FOCAD: variants seen among roughly 807,000 people sequenced by gnomAD.
FOCAD encodes focadhesin, also known as KIAA1797.
Under a neutral mutation model 225.6 loss-of-function variants are expected in FOCAD, and 198 were observed. The observed-to-expected ratio is 0.88, with a 90% CI of 0.78 to 0.99. FOCAD has a LOEUF of 0.99. FOCAD is among the 50% of genes least tolerant of loss of function. The pLI is 0.00. For synonymous variants in FOCAD, 897 were observed against 755.0 expected (o/e 1.19, Z -3.08); for missense variants, 2,713 against 2,123.6 (o/e 1.28, Z -5.46).
intron 41 of FOCAD, 27 bp downstream of exon 41, chr9:20,988,456 C>A: frequency 1.5e-6 from 2 of 1,336,346 alleles, no homozygotes; most frequent in Non-Finnish European, 2.1e-6. Context: ...TAGTTTATAG[C>A]TTCCTTAAAA....
In FOCAD at chr9:20,768,466, A is replaced by G. The variant is rs1442265661; in HGVS notation, c.700-1566A>G. ...GATTCTTCCTACCCATGAGCATGGA[A>G]TGTTCTTCCATTTGTTTGTATCCTC... On this transcript the variant is annotated intron_variant, in intron 7 of 43. Transcript: ENST00000338382. 2.6e-5 allele frequency among the ~76,000 whole-genome samples: 4 copies of G among 151,810 alleles called. No individual in the cohort carries two copies. The South Asian group carries it at 8.3e-4, about 32-fold the overall frequency.
At chr9:20,773,638 C>T (rs1042357432) in intron 8 of FOCAD, among the ~76,000 whole-genome samples, 2 of 152,184 alleles carry the variant, frequency 1.3e-5, no homozygotes, top group South Asian at 4.1e-4. Context: ...TACTTCCTTA[C>T]ATTTCTTTAT....
At chr9:20,879,074 A>G (rs1201065161) in intron 19 of FOCAD, among the ~76,000 whole-genome samples, 1 of 152,146 alleles carries the variant, frequency 6.6e-6, no homozygotes, top group Non-Finnish European at 1.5e-5. Flanking sequence ...CTCCTCTGGA[A>G]ATACCCTCAC....
chr9:20,895,558 C>CAT (rs946763790), intron 21 of FOCAD, among the ~76,000 whole-genome samples: 4 of 151,364 alleles, frequency 2.6e-5, no homozygotes, highest in African/African-American at 9.7e-5. Context: ...TATGTCTGCG[C>CAT]ATATATATGT....
intron 19 of FOCAD, among the ~76,000 whole-genome samples, chr9:20,881,631 T>C (rs1451995698): frequency 2.0e-5 from 3 of 152,168 alleles, no homozygotes; most frequent in Admixed American, 6.6e-5. Context: ...TCAGAAGGAC[T>C]TGCTAATGGA....
chr9:20,915,915 A>G (rs76937843), intron 23 of FOCAD, among the ~76,000 whole-genome samples: 1,553 of 152,288 alleles, frequency 0.01, 10 homozygotes, highest in Non-Finnish European at 0.018. Flanking sequence ...TGAATGGACT[A>G]TATTCCATTT....
intron 4 of FOCAD, among the ~76,000 whole-genome samples, chr9:20,722,737 A>G: frequency 6.6e-6 from 1 of 152,240 alleles, no homozygotes; most frequent in East Asian, 1.9e-4. Context: ...TGAAAAGTTA[A>G]GATTTTTATG....
intron 27 of FOCAD, among the ~76,000 whole-genome samples, chr9:20,931,146 G>A (rs559332423): frequency 1.3e-5 from 2 of 152,232 alleles, no homozygotes; most frequent in East Asian, 3.9e-4. Context: ...TAATCATGCT[G>A]CCTGGAGAAA....
intron 39 of FOCAD, among the ~76,000 whole-genome samples, chr9:20,985,531 G>A (rs776645889): frequency 6.6e-6 from 1 of 152,234 alleles, no homozygotes; most frequent in Admixed American, 6.5e-5. Flanking sequence ...CAAATACCCA[G>A]GTTGAATAAC....
intron 11 of FOCAD, among the ~76,000 whole-genome samples, chr9:20,797,130 T>C (rs151211995): frequency 6.6e-6 from 1 of 152,336 alleles, no homozygotes; most frequent in Non-Finnish European, 1.5e-5. Context: ...TAGTTGTAGA[T>C]GTGTGGCATT....
At chr9:20,989,183 G>C (rs987448284) in intron 41 of FOCAD, among the ~76,000 whole-genome samples, 3 of 152,132 alleles carry the variant, frequency 2.0e-5, no homozygotes, top group Admixed American at 1.3e-4. Context: ...GCATAACCTG[G>C]GATGTTTTTT....
intron 28 of FOCAD, among the ~76,000 whole-genome samples, chr9:20,940,109 G>A: frequency 6.6e-6 from 1 of 152,008 alleles, no homozygotes; most frequent in East Asian, 1.9e-4. Flanking sequence ...GGTAGGCCTG[G>A]ACTTCCTGTC....
chr9:20,778,917 T>A (rs1819072629), intron 9 of FOCAD, 149 bp downstream of exon 9: 9 of 507,770 alleles, frequency 1.8e-5, no homozygotes, highest in Non-Finnish European at 3.1e-5. Context: ...TTTTCTTGTC[T>A]AATAAGTTGT....
At chr9:20,807,804 C>A (rs1312914293) in intron 11 of FOCAD, among the ~76,000 whole-genome samples, 1 of 152,124 alleles carries the variant, frequency 6.6e-6, no homozygotes, top group Non-Finnish European at 1.5e-5. Flanking sequence ...AATCCCAGCA[C>A]TTTGGGAGGT....
chr9:20,929,372 T>G lies in FOCAD; in HGVS notation c.3093T>G (p.Gly1031=). 1.2e-6 allele frequency: 2 copies of G among 1,614,132 alleles called. No individual in the cohort carries two copies. Among genetic ancestry groups the G allele is most frequent in the Non-Finnish European group, 1.7e-6 (2 of 1,179,990 alleles). ...GCATGTCCTAGAAGTCCTATTCTGG[T>G]GAAAACACAGCTAGTGCCATTGCCC... is the stretch of plus-strand genomic sequence containing the variant. ...LSWFYYKSYS[G]ENTASAIARS... is the part of the protein sequence containing the mutation. The change falls in exon 27 of 44, where the codon GGT becomes GGG. Residue 1031 remains glycine, a synonymous_variant. Transcript: ENST00000338382.
At chr9:20,746,338 T>C (rs947873319) in intron 5 of FOCAD, among the ~76,000 whole-genome samples, 2 of 152,146 alleles carry the variant, frequency 1.3e-5, no homozygotes, top group African/African-American at 4.8e-5. Flanking sequence ...GGCTGGAGTT[T>C]AGTGCTCTAG....
chr9:20,734,426 G>T (rs1191232690), intron 4 of FOCAD, among the ~76,000 whole-genome samples: 3 of 152,108 alleles, frequency 2.0e-5, no homozygotes, highest in Admixed American at 6.6e-5. Flanking sequence ...TTTTAGAATT[G>T]AATATTCCGT....
Position 20,707,804 on chromosome 9 carries a change from C to G in FOCAD, c.-32-7518C>G, listed in dbSNP as rs1824515539. ...CTGTGGTTAAAAGGGTTCCAATTAT[C>G]TTGTCCTGTTATTTTGGGAGTGTTG... On this transcript the variant is annotated intron_variant, in intron 1 of 43. Transcript: ENST00000338382. Among the ~76,000 whole-genome samples the G allele has an allele frequency of 5.3e-5, 8 of 152,158 alleles. No individual in the cohort carries two copies. The South Asian group carries it at 1.7e-3, about 32-fold the overall frequency.
chr9:20,942,872 G>A (rs1469239489), intron 28 of FOCAD, among the ~76,000 whole-genome samples: 2 of 152,188 alleles, frequency 1.3e-5, no homozygotes, highest in Non-Finnish European at 2.9e-5. Flanking sequence ...GGGTGCTGTG[G>A]GAGAGTATTA....
Sources: gnomAD v4.1 joint callset for allele counts (sites outside exome capture counted in the v4.1 genomes callset) on GRCh38, gnomAD v4.1.1 for gene constraint, MANE v1.5 for transcripts, NCBI Gene and HGNC (gene_info 2026-07-23, HGNC 2026-07-21) for gene names.